Variants in PDGFRA observed in about 807,000 individuals in gnomAD.
PDGFRA encodes the protein platelet derived growth factor receptor alpha, also known as platelet-derived growth factor receptor alpha.
Under a neutral mutation model 121.5 loss-of-function variants are expected in PDGFRA, and 25 were observed. That is an observed-to-expected ratio of 0.21 (90% CI 0.15 to 0.29). PDGFRA has a LOEUF of 0.29. Among genes scored for constraint, PDGFRA ranks in the 10% least tolerant of loss-of-function variants. The pLI is 1.00. For synonymous variants in PDGFRA, 463 were observed against 494.8 expected (o/e 0.94, Z 0.85); for missense variants, 1,008 against 1,345.1 (o/e 0.75, Z 3.92).
intron 5 of PDGFRA, among the ~76,000 whole-genome samples, chr4:54,265,606 C>G (rs948942251): frequency 9.9e-5 from 15 of 152,246 alleles, no homozygotes; most frequent in African/African-American, 3.6e-4. Context: ...ATGAAGTTTG[C>G]TCAATCCCAA....
chr4:54,280,504 C>T (rs1292503391), intron 16 of PDGFRA, 22 bp downstream of exon 16: 2 of 1,594,996 alleles, frequency 1.3e-6, no homozygotes, highest in African/African-American at 2.7e-5. Context: ...TATACTCACT[C>T]TGGGTGTTGG....
At chr4:54,270,572 G>A (rs1723282943) in intron 7 of PDGFRA, 61 bp from the exon 8 acceptor site, 3 of 887,944 alleles carry the variant, frequency 3.4e-6, no homozygotes, top group East Asian at 2.4e-5. Flanking sequence ...GAGTACAATT[G>A]TTTAAACAAT....
intron 4 of PDGFRA, 39 bp from the exon 5 acceptor site, chr4:54,264,880 T>C (rs1254421699): frequency 6.4e-7 from 1 of 1,557,484 alleles, no homozygotes; most frequent in Non-Finnish European, 8.8e-7. Flanking sequence ...CTGGCTATCC[T>C]GTGGATTTTT....
chr4:54,259,874 C>T (rs752354466), intron 2 of PDGFRA, among the ~76,000 whole-genome samples: 74 of 152,176 alleles, frequency 4.9e-4, no homozygotes, highest in Non-Finnish European at 9.3e-4. Context: ...GTCATAATAT[C>T]TCTTCTATCA....
intron 15 of PDGFRA, 83 bp from the exon 16 acceptor site, chr4:54,280,233 G>A (rs557493697): frequency 9.2e-6 from 3 of 325,966 alleles, no homozygotes; most frequent in African/African-American, 8.8e-5. Flanking sequence ...CTCAGTACCT[G>A]GCACATAATC....
chr4:54,258,344 A>C (rs1458462430), intron 1 of PDGFRA, among the ~76,000 whole-genome samples: 1 of 152,132 alleles, frequency 6.6e-6, no homozygotes, highest in East Asian at 1.9e-4. Context: ...CTGAAATATT[A>C]AGGTATTTAC....
intron 1 of PDGFRA, among the ~76,000 whole-genome samples, chr4:54,249,845 T>TTA (rs1721950862): frequency 6.6e-6 from 1 of 152,028 alleles, no homozygotes; most frequent in African/African-American, 2.4e-5. Flanking sequence ...TATTATTATT[T>TTA]TTGTAAGTTA....
chr4:54,279,905 C>CATAT (rs926969812), intron 15 of PDGFRA, among the ~76,000 whole-genome samples: 11 of 150,834 alleles, frequency 7.3e-5, no homozygotes, highest in African/African-American at 2.4e-4. Flanking sequence ...AGCTGAGTTA[C>CATAT]ATATATATAT....
chr4:54,259,991 A>G (rs1046839796), intron 2 of PDGFRA, among the ~76,000 whole-genome samples: 4 of 152,240 alleles, frequency 2.6e-5, no homozygotes, highest in African/African-American at 9.6e-5. Flanking sequence ...ACAGGACGTT[A>G]TCCAGAATGA....
chr4:54,246,115 A>G (rs1362308299), intron 1 of PDGFRA, among the ~76,000 whole-genome samples: 3 of 152,168 alleles, frequency 2.0e-5, no homozygotes, highest in Non-Finnish European at 4.4e-5. Context: ...CACAATAATA[A>G]TTGGAGACTT....
chr4:54,294,926 A>G (rs963317998), intron 22 of PDGFRA, among the ~76,000 whole-genome samples, 199 bp from the exon 23 acceptor site: 2 of 152,214 alleles, frequency 1.3e-5, no homozygotes, highest in Admixed American at 6.5e-5. Context: ...AAAGCAGGAA[A>G]GCTGAAGAGT....
chr4:54,275,866 G>A lies in PDGFRA; in HGVS notation c.1786+893G>A, dbSNP rs537858550. Reference sequence around the variant, plus strand: ...CCTTGTTCCTTCCTGGGCATAGGCCGAACTAACTTTGAGAGGAACTTAGTT... The same window carrying A: ...CCTTGTTCCTTCCTGGGCATAGGCCAAACTAACTTTGAGAGGAACTTAGTT... On this transcript the variant is annotated intron_variant, in intron 12 of 22. Transcript: ENST00000257290. Among the ~76,000 whole-genome samples, 10 of 152,288 alleles carry A rather than the reference G, an allele frequency of 6.6e-5. No homozygotes were observed. The South Asian group carries it at 1.7e-3, about 25-fold the overall frequency.
chr4:54,233,333 G>C (rs1017694865), intron 1 of PDGFRA, among the ~76,000 whole-genome samples: 5 of 152,208 alleles, frequency 3.3e-5, no homozygotes, highest in Non-Finnish European at 5.9e-5. Flanking sequence ...AGTGGCGGGG[G>C]CTGGACAGTC....
intron 3 of PDGFRA, among the ~76,000 whole-genome samples, chr4:54,261,926 TATATA>T (rs1249797728): frequency 0.11 from 8,204 of 75,096 alleles, 328 homozygotes; most frequent in Middle Eastern, 0.12. Flanking sequence ...TATATATATA[TATATA>T]TTTTTTTTTT....
chr4:54,284,313 C>A (rs1048215193), intron 16 of PDGFRA, among the ~76,000 whole-genome samples: 3 of 152,196 alleles, frequency 2.0e-5, no homozygotes, highest in African/African-American at 7.2e-5. Flanking sequence ...CTGCCTGTTA[C>A]CCAGTTATCT....
intron 1 of PDGFRA, among the ~76,000 whole-genome samples, chr4:54,238,401 T>C (rs1052771628): frequency 7.2e-5 from 11 of 152,226 alleles, no homozygotes; most frequent in Non-Finnish European, 1.5e-4. Context: ...TTCTTTTTTT[T>C]AAACCAGTTT....
chr4:54,230,826 C>T (rs1720618739), intron 1 of PDGFRA, among the ~76,000 whole-genome samples: 1 of 152,218 alleles, frequency 6.6e-6, no homozygotes, highest in Non-Finnish European at 1.5e-5. Context: ...GCTGTCTACC[C>T]CCATGGAAAC....
At chr4:54,287,327 A>G (rs1413423787) in intron 18 of PDGFRA, 103 bp from the exon 19 acceptor site, 1 of 767,718 alleles carries the variant, frequency 1.3e-6, no homozygotes, top group South Asian at 1.3e-5. Flanking sequence ...CAAGATAATT[A>G]GCACAAGTTA....
intron 1 of PDGFRA, among the ~76,000 whole-genome samples, chr4:54,247,978 A>T (rs1721795875): frequency 6.6e-6 from 1 of 152,200 alleles, no homozygotes; most frequent in Admixed American, 6.5e-5. Context: ...ATTGCTTCAA[A>T]GAGAATAAAA....
Sources: gnomAD v4.1 joint callset for allele counts (sites outside exome capture counted in the v4.1 genomes callset) on GRCh38, gnomAD v4.1.1 for gene constraint, MANE v1.5 for transcripts, NCBI Gene and HGNC (gene_info 2026-07-23, HGNC 2026-07-21) for gene names.